WASF3: variants seen among roughly 807,000 people sequenced by gnomAD.
WASF3 encodes WASP family member 3.
A neutral mutation model predicts 46.6 loss-of-function variants in WASF3; 11 were observed. The ratio of observed to expected loss-of-function variants is 0.24; its 90% CI spans 0.15 to 0.39. WASF3 has a LOEUF of 0.39. Among genes scored for constraint, WASF3 ranks in the 10% least tolerant of loss-of-function variants. The pLI, the probability that WASF3 is intolerant of heterozygous loss-of-function variation, is 1.00. For missense variants in WASF3, 576 were observed against 669.8 expected, an observed-to-expected ratio of 0.86 and a Z score of 1.55; for synonymous variants, 242 against 259.7, an observed-to-expected ratio of 0.93 and a Z score of 0.65.
intron 3 of WASF3, among the ~76,000 whole-genome samples, chr13:26,661,633 T>C (rs1277684925): frequency 6.6e-6 from 1 of 152,184 alleles, no homozygotes; most frequent in Non-Finnish European, 1.5e-5. Flanking sequence ...GGGTATATAC[T>C]CAAGTAGAGT....
At chr13:26,662,788 A>G (rs1882667133) in intron 3 of WASF3, among the ~76,000 whole-genome samples, 1 of 152,204 alleles carries the variant, frequency 6.6e-6, no homozygotes, top group Non-Finnish European at 1.5e-5. Flanking sequence ...TACCCTCTGA[A>G]TCTAAGATAA....
At chr13:26,599,692 C>G (rs551921659) in intron 1 of WASF3, among the ~76,000 whole-genome samples, 1 of 152,310 alleles carries the variant, frequency 6.6e-6, no homozygotes, top group South Asian at 2.1e-4. Context: ...TGTCTTTCCA[C>G]CACTTTGCCA....
intron 2 of WASF3, among the ~76,000 whole-genome samples, chr13:26,628,631 C>T (rs778882004): frequency 3.3e-5 from 5 of 152,170 alleles, no homozygotes; most frequent in Non-Finnish European, 4.4e-5. Flanking sequence ...TCTGCCAGTA[C>T]GGAGATTCCT....
chr13:26,558,806 C>A (rs1235519702), intron 1 of WASF3, among the ~76,000 whole-genome samples: 2 of 152,242 alleles, frequency 1.3e-5, no homozygotes, highest in Middle Eastern at 6.8e-3. Context: ...CGCAGTTCTT[C>A]AAATTAAATG....
intron 1 of WASF3, among the ~76,000 whole-genome samples, 190 bp downstream of exon 1, chr13:26,558,009 C>T (rs1208432731): frequency 2.0e-5 from 3 of 150,882 alleles, no homozygotes; most frequent in African/African-American, 4.8e-5. Context: ...TCCCTGCAGC[C>T]CGGCCGCATT....
intron 5 of WASF3, among the ~76,000 whole-genome samples, chr13:26,671,138 A>T (rs1882914874): frequency 6.6e-6 from 1 of 152,166 alleles, no homozygotes; most frequent in African/African-American, 2.4e-5. Flanking sequence ...GATGGTTTTG[A>T]TCATGACTTG....
chr13:26,632,206 A>G (rs959719665), intron 2 of WASF3, among the ~76,000 whole-genome samples: 3 of 152,188 alleles, frequency 2.0e-5, no homozygotes, highest in African/African-American at 4.8e-5. Flanking sequence ...TTCGAATACT[A>G]TGTTGAATAA....
chr13:26,608,649 C>A (rs1880876572), intron 1 of WASF3, among the ~76,000 whole-genome samples: 1 of 152,088 alleles, frequency 6.6e-6, no homozygotes, highest in South Asian at 2.1e-4. Flanking sequence ...AAAATGTGTT[C>A]ATACTGGCTC....
chr13:26,609,542 C>CT (rs1177346208), intron 1 of WASF3: 1 of 146,410 alleles, frequency 6.8e-6, no homozygotes, highest in African/African-American at 2.6e-5. Flanking sequence ...TGATTATTCT[C>CT]TAAATTGTGA....
intron 1 of WASF3, among the ~76,000 whole-genome samples, chr13:26,569,305 C>T (rs1303019986): frequency 6.6e-6 from 1 of 152,108 alleles, no homozygotes; most frequent in Non-Finnish European, 1.5e-5. Context: ...AATGCACATT[C>T]TTTGTAAGTA....
rs1420053484 is a variant in WASF3, at chr13:26,667,675, A to G, written c.422+5A>G. On this transcript the variant is annotated splice_donor_5th_base_variant and intron_variant, in intron 5 of 9. Coordinates refer to ENST00000335327, the MANE Select transcript of WASF3 (RefSeq NM_006646.6). ...GAACATCCTGACACCATACAGGTAT[A>G]GCTTCATGAGTCCCAGAGCCTCTCC... The G allele has an allele frequency of 1.2e-5, 19 of 1,612,842 alleles. No homozygotes were observed. Among genetic ancestry groups the G allele is most frequent in the East Asian group, 2.2e-5 (1 of 44,808 alleles).
the WASF3 span, among the ~76,000 whole-genome samples, chr13:26,547,934 G>A: frequency 2.6e-5 from 4 of 152,176 alleles, no homozygotes; most frequent in Admixed American, 1.3e-4. Context: ...TTTTGACTGA[G>A]TCATCTAATC....
intron 1 of WASF3, among the ~76,000 whole-genome samples, chr13:26,603,775 C>T (rs1360274400): frequency 6.6e-6 from 1 of 152,068 alleles, no homozygotes; most frequent in Non-Finnish European, 1.5e-5. Context: ...GATGGTGGGG[C>T]CAAAGCTAAG....
chr13:26,546,939 A>C, the WASF3 span, among the ~76,000 whole-genome samples: 1 of 152,154 alleles, frequency 6.6e-6, no homozygotes, highest in Non-Finnish European at 1.5e-5. Context: ...CATGCTTTTC[A>C]AGGACAGATC....
At chr13:26,633,202 T>TTC (rs1881709506) in intron 2 of WASF3, among the ~76,000 whole-genome samples, 2 of 130,556 alleles carry the variant, frequency 1.5e-5, no homozygotes, top group East Asian at 2.1e-4. Context: ...AGTTATTTCT[T>TTC]TTTTTTTTTT....
upstream of WASF3, among the ~76,000 whole-genome samples, chr13:26,555,898 G>A (rs1465066367): frequency 6.6e-6 from 1 of 152,136 alleles, no homozygotes; most frequent in Admixed American, 6.5e-5. Flanking sequence ...TTAGCGGTGG[G>A]CTCTAATCCT....
chr13:26,589,029 A>G (rs1304051561), intron 1 of WASF3, among the ~76,000 whole-genome samples: 1 of 152,100 alleles, frequency 6.6e-6, no homozygotes, highest in Non-Finnish European at 1.5e-5. Flanking sequence ...CTTGGGCTCA[A>G]ATGACCCTCT....
chr13:26,665,656 C>G (rs753197806), intron 4 of WASF3, among the ~76,000 whole-genome samples: 1 of 152,142 alleles, frequency 6.6e-6, no homozygotes, highest in Non-Finnish European at 1.5e-5. Context: ...TACCGAAAGC[C>G]TTTAGGCTGC....
chr13:26,543,139 T>G, the WASF3 span, among the ~76,000 whole-genome samples: 1 of 152,032 alleles, frequency 6.6e-6, no homozygotes, highest in Admixed American at 6.6e-5. Context: ...TGGGGTGATG[T>G]GGAGGTGGTG....
Sources: gnomAD v4.1 joint callset for allele counts (sites outside exome capture counted in the v4.1 genomes callset) on GRCh38, gnomAD v4.1.1 for gene constraint, MANE v1.5 for transcripts, NCBI Gene and HGNC (gene_info 2026-07-23, HGNC 2026-07-21) for gene names.